IFIT1: variants seen among roughly 807,000 people sequenced by gnomAD.
IFIT1 encodes antiviral innate immune response effector IFIT1.
Under a neutral mutation model 2.5 loss-of-function variants are expected in IFIT1, and 1 was observed. That is an observed-to-expected ratio of 0.40 (90% confidence interval 0.14 to 1.92). The LOEUF is 1.92. Among genes scored for constraint, IFIT1 ranks in the 40% most tolerant of loss-of-function variants. The pLI is 0.31. For missense variants in IFIT1, 508 were observed against 557.8 expected (o/e 0.91, Z 0.90); for synonymous variants, 191 against 201.7 (o/e 0.95, Z 0.45).
At chr10:89,393,635 C>T (rs1346344229) in intron 1 of IFIT1, among the ~76,000 whole-genome samples, 1 of 152,224 alleles carries the variant, frequency 6.6e-6, no homozygotes, top group Admixed American at 6.5e-5. Flanking sequence ...GAGGCTGAGG[C>T]AGGAGAATCA....
At position 89,403,647 on chromosome 10, in the gene IFIT1, G is replaced by C. The variant is rs1844479785; in HGVS notation, c.1372G>C (p.Glu458Gln). ...KLEGNMNEAL[E>Q]YYERALRLAA... ...GGAAGGAAATATGAATGAAGCCCTG[G>C]AGTACTATGAGCGGGCCCTGAGACT... The change falls in exon 2 of 2, where the codon GAG becomes CAG. Residue 458 changes from glutamate (E) to glutamine (Q), a missense_variant. Coordinates refer to ENST00000371804, the MANE Select transcript of IFIT1 (RefSeq NM_001548.5). 1 of 1,613,600 alleles carries C rather than the reference G, an allele frequency of 6.2e-7. No individual in the cohort carries two copies. The highest frequency in any genetic ancestry group is 1.7e-5 in the Admixed American group (1 of 59,922).
chr10:89,400,974 G>A (rs1266962036), intron 1 of IFIT1, among the ~76,000 whole-genome samples: 1 of 151,730 alleles, frequency 6.6e-6, no homozygotes. Flanking sequence ...TTTCATAAAG[G>A]GTGTTGAATT....
rs1163656724 is a variant in IFIT1 at position 89,404,622 on chromosome 10, G to A, written c.*910G>A. On this transcript the variant is annotated 3_prime_UTR_variant, in exon 2 of 2. Coordinates refer to ENST00000371804, the MANE Select transcript of IFIT1 (RefSeq NM_001548.5). ...ATACCCTCCCTTCCTCCAAGAGCCT[G>A]CTTTTGGTTGCTGTGGTAGGCTCTG... The A allele has an allele frequency of 6.6e-6, 1 of 152,256 alleles. No homozygotes were observed. The highest frequency in any genetic ancestry group is 2.1e-4 in the South Asian group (1 of 4,832). The allele number at this position is 152,256 out of a possible 1,614,324, so 9.4% of individuals were successfully genotyped here.
intron 1 of IFIT1, among the ~76,000 whole-genome samples, chr10:89,400,046 ATAT>A (rs945737193): frequency 1.6e-4 from 25 of 152,238 alleles, no homozygotes; most frequent in African/African-American, 5.8e-4. Flanking sequence ...CCACTCTGTT[ATAT>A]TGAGTTATGA....
At chr10:89,399,712 C>T (rs888527928) in intron 1 of IFIT1, among the ~76,000 whole-genome samples, 1 of 152,120 alleles carries the variant, frequency 6.6e-6, no homozygotes, top group Non-Finnish European at 1.5e-5. Flanking sequence ...TCCCACCCAC[C>T]CCTGCCCAAA....
At chr10:89,399,879 G>C (rs1383586925) in intron 1 of IFIT1, among the ~76,000 whole-genome samples, 3 of 152,142 alleles carry the variant, frequency 2.0e-5, no homozygotes, top group Non-Finnish European at 2.9e-5. Flanking sequence ...CTCTCTCTCT[G>C]TGCCACTGAG....
chr10:89,397,915 TATATA>T (rs1485159269), intron 1 of IFIT1, among the ~76,000 whole-genome samples: 1 of 152,204 alleles, frequency 6.6e-6, no homozygotes, highest in Non-Finnish European at 1.5e-5. Context: ...TGGTAAAACA[TATATA>T]ACATAAAATC....
intron 1 of IFIT1, chr10:89,393,167 C>A (rs765686956): frequency 7.7e-7 from 1 of 1,290,652 alleles, no homozygotes; most frequent in African/African-American, 1.5e-5. Context: ...GTCTTGCAGC[C>A]TCTCTGATGT....
intron 1 of IFIT1, among the ~76,000 whole-genome samples, chr10:89,394,329 CAT>C (rs1844301840): frequency 6.6e-6 from 1 of 152,034 alleles, no homozygotes; most frequent in Non-Finnish European, 1.5e-5. Context: ...TTATGCAGTG[CAT>C]GGCTGTATGA....
In IFIT1 at chr10:89,403,885, T is replaced by C; in HGVS notation, c.*173T>C. On this transcript the variant is annotated 3_prime_UTR_variant, in exon 2 of 2. Coordinates refer to ENST00000371804, the MANE Select transcript of IFIT1 (RefSeq NM_001548.5). The stretch of plus-strand genomic sequence containing the variant: ...GTTCAACAATTAGTGAAACAGAATG[T>C]GTGTATGCATGTAAGAAAGAGAAAT... 2 of 532,658 alleles carry C rather than the reference T, an allele frequency of 3.8e-6. No individual in the cohort carries two copies. The highest frequency in any genetic ancestry group is 6.5e-6 in the Non-Finnish European group (2 of 305,694). The allele number at this position is 532,658 out of a possible 1,614,324, so 33.0% of individuals were successfully genotyped here.
chr10:89,393,302 A>G, intron 1 of IFIT1: 1 of 1,288,776 alleles, frequency 7.8e-7, no homozygotes, highest in Non-Finnish European at 1.0e-6. Flanking sequence ...TGAGCTTAAG[A>G]TAAACAGATT....
rs138431125 is a variant in IFIT1, at chr10:89,406,012, A to T, written c.*2300A>T. Reference sequence around the variant, plus strand: ...ACTCCTTCCAGTAGATACTGATTTCATCCATTGCCCTTAAGAAGGTAGGAC... The same window carrying T: ...ACTCCTTCCAGTAGATACTGATTTCTTCCATTGCCCTTAAGAAGGTAGGAC... On this transcript the variant is annotated 3_prime_UTR_variant, in exon 2 of 2. Coordinates refer to ENST00000371804, the MANE Select transcript of IFIT1 (RefSeq NM_001548.5). 87 of 152,298 alleles carry T rather than the reference A, an allele frequency of 5.7e-4. No individual in the cohort carries two copies. The highest frequency in any genetic ancestry group is 1.9e-3 in the African/African-American group (81 of 41,548). 9.4% of individuals were successfully genotyped at this position (152,298 alleles called of 1,614,324 possible).
At chr10:89,396,295 C>T (rs1197623849) in intron 1 of IFIT1, among the ~76,000 whole-genome samples, 3 of 152,138 alleles carry the variant, frequency 2.0e-5, no homozygotes, top group African/African-American at 7.2e-5. Flanking sequence ...GAATAAGCAA[C>T]AATTTCTAAG....
chr10:89,402,355 T>TGTAAA lies in IFIT1; in HGVS notation c.80_81insGTAAA (p.Ile27MetfsTer2). ...TGTCACTTTACATGGGAGTTATCCA[T>TGTAAA]TGATGACGATGAAATGCCTGATTTA... On this transcript the variant is annotated stop_gained and frameshift_variant, in exon 2 of 2. Coordinates refer to ENST00000371804, the MANE Select transcript of IFIT1 (RefSeq NM_001548.5). LOFTEE classifies it low-confidence loss of function (END_TRUNC). The TGTAAA allele has an allele frequency of 6.2e-7, 1 of 1,614,194 alleles. No individual in the cohort carries two copies. Among genetic ancestry groups the TGTAAA allele is most frequent in the Non-Finnish European group, 8.5e-7 (1 of 1,179,996 alleles).
At chr10:89,398,031 T>C (rs1032869670) in intron 1 of IFIT1, among the ~76,000 whole-genome samples, 3 of 152,236 alleles carry the variant, frequency 2.0e-5, no homozygotes, top group African/African-American at 7.2e-5. Flanking sequence ...ATTTTTCATC[T>C]TCCTAAACTG....
chr10:89,395,636 T>A (rs1844331991), intron 1 of IFIT1, among the ~76,000 whole-genome samples: 1 of 152,094 alleles, frequency 6.6e-6, no homozygotes, highest in African/African-American at 2.4e-5. Context: ...ATAAACAAGT[T>A]TCCTATAAAA....
chr10:89,402,581 C>T lies in IFIT1; in HGVS notation c.306C>T (p.Ala102=), dbSNP rs984249106. ...VRSLVTWGNF[A]WMYYHMGRLA... ...GTCTGGTGACCTGGGGCAACTTTGCCTGGATGTATTACCACATGGGCAGAC... is the reference window on the plus strand; with the variant it reads ...GTCTGGTGACCTGGGGCAACTTTGCTTGGATGTATTACCACATGGGCAGAC... Residue 102 remains alanine, a synonymous_variant, in exon 2 of 2, where the codon GCC becomes GCT. Coordinates refer to ENST00000371804, the MANE Select transcript of IFIT1 (RefSeq NM_001548.5). The T allele has an allele frequency of 6.2e-7, 1 of 1,614,180 alleles. No individual in the cohort carries two copies. The highest frequency in any genetic ancestry group is 2.2e-5 in the East Asian group (1 of 44,890).
Position 89,405,018 on chromosome 10 carries a change from C to A in IFIT1, c.*1306C>A, listed in dbSNP as rs1169883072. On this transcript the variant is annotated 3_prime_UTR_variant, in exon 2 of 2. Coordinates refer to ENST00000371804, the MANE Select transcript of IFIT1 (RefSeq NM_001548.5). The stretch of plus-strand genomic sequence containing the variant: ...GCTTGTGATTTTATGTCAACACTAT[C>A]AATAAATAGCTTTCAGTGCAAGAAA... The A allele has an allele frequency of 6.6e-6, 1 of 152,050 alleles. No individual in the cohort carries two copies. Among genetic ancestry groups the A allele is most frequent in the African/African-American group, 2.4e-5 (1 of 41,390 alleles). The allele number at this position is 152,050 out of a possible 1,614,324, so 9.4% of individuals were successfully genotyped here. A position where few individuals can be genotyped will look rare whatever the true frequency, so the allele number is the denominator to read the frequency against.
At chr10:89,397,748 C>T (rs918052204) in intron 1 of IFIT1, among the ~76,000 whole-genome samples, 42 of 152,162 alleles carry the variant, frequency 2.8e-4, no homozygotes, top group African/African-American at 9.6e-4. Context: ...CATAGATTTC[C>T]AGTGGTCTGT....
Sources: allele counts gnomAD v4.1 joint callset (sites outside exome capture counted in the v4.1 genomes callset), GRCh38; gene constraint gnomAD v4.1.1; transcripts MANE v1.5; gene names NCBI Gene and HGNC (gene_info 2026-07-23, HGNC 2026-07-21).